The following PDE12 variants were observed in gnomAD, a reference collection of about 807,000 sequenced individuals.
PDE12 encodes phosphodiesterase 12.
Under a neutral mutation model 45.4 loss-of-function variants are expected in PDE12, and 26 were observed. That is an observed-to-expected ratio of 0.57 (90% CI 0.42 to 0.79). The LOEUF is 0.79. Ranked by LOEUF, PDE12 falls within the 30% of genes least tolerant of loss-of-function variation. The pLI, the probability that PDE12 is intolerant of heterozygous loss-of-function variation, is 0.00. For missense variants in PDE12, 668 were observed against 790.0 expected (o/e 0.85, Z 1.85); for synonymous variants, 283 against 323.9 (o/e 0.87, Z 1.36).
chr3:57,556,860 C>G lies in PDE12; in HGVS notation c.481C>G (p.Pro161Ala). ...GDVKYKVERN[P>A]PAFTELQLPR... is the part of the protein sequence containing the mutation. Reference sequence around the variant, plus strand: ...TGTTAAGTACAAGGTGGAGCGCAACCCGCCCGCCTTCACCGAACTGCAGTT... The same window carrying G: ...TGTTAAGTACAAGGTGGAGCGCAACGCGCCCGCCTTCACCGAACTGCAGTT... The change falls in exon 1 of 3, where the codon CCG (proline) becomes GCG (alanine). Residue 161 changes from proline (P) to alanine (A), a missense_variant. Physicochemically the swap from Pro to Ala is conservative, Grantham distance 27 (BLOSUM62 -1). Transcript: ENST00000311180. The surrounding 1 kb of genome is among the most constrained non-coding windows in gnomAD (Gnocchi z 5.0). The G allele has an allele frequency of 1.2e-6, 2 of 1,614,062 alleles. No individual in the cohort carries two copies. Among genetic ancestry groups the G allele is most frequent in the Non-Finnish European group, 8.5e-7 (1 of 1,180,034 alleles).
the PDE12 span, among the ~76,000 whole-genome samples, chr3:57,613,900 C>CAAAAAAAAAAA: frequency 1.0e-4 from 6 of 59,448 alleles, no homozygotes; most frequent in Non-Finnish European, 1.5e-4. Context: ...GACTCCATCT[C>CAAAAAAAAAAA]AAAAAAAAAA....
chr3:57,608,049 C>A, the PDE12 span, among the ~76,000 whole-genome samples: 26 of 152,292 alleles, frequency 1.7e-4, no homozygotes, highest in African/African-American at 6.0e-4. Flanking sequence ...TCGGCAGAAA[C>A]TCTACAAGCC....
At chr3:57,602,984 T>C in the PDE12 span, among the ~76,000 whole-genome samples, 2 of 151,244 alleles carry the variant, frequency 1.3e-5, no homozygotes, top group African/African-American at 4.9e-5. Flanking sequence ...CTGGCCAACA[T>C]GGTGAAACCC....
At chr3:57,643,138 T>C in the PDE12 span, among the ~76,000 whole-genome samples, 2 of 151,288 alleles carry the variant, frequency 1.3e-5, no homozygotes, top group African/African-American at 4.9e-5. Flanking sequence ...AAGGGAGCAA[T>C]AGAAAGAAGA....
At chr3:57,557,807 T>C (rs533694002) in intron 1 of PDE12, 120 bp downstream of exon 1, 1 of 901,820 alleles carries the variant, frequency 1.1e-6, no homozygotes, top group East Asian at 2.6e-5. Flanking sequence ...AAAGGTGTGT[T>C]TGCCCTTGTA....
At chr3:57,615,755 G>C in the PDE12 span, among the ~76,000 whole-genome samples, 1 of 152,022 alleles carries the variant, frequency 6.6e-6, no homozygotes, top group Non-Finnish European at 1.5e-5. Context: ...AGTGACCCAA[G>C]ATCATGCTAC....
chr3:57,576,593 T>C, the PDE12 span, among the ~76,000 whole-genome samples: 1 of 149,730 alleles, frequency 6.7e-6, no homozygotes, highest in Admixed American at 6.7e-5. Flanking sequence ...ACACATATAC[T>C]GGCACAATGG....
chr3:57,591,655 T>C, the PDE12 span, among the ~76,000 whole-genome samples: 1 of 152,026 alleles, frequency 6.6e-6, no homozygotes, highest in Non-Finnish European at 1.5e-5. Flanking sequence ...TGAGTATAGA[T>C]GGGGTTTCAC....
chr3:57,646,190 C>G, the PDE12 span: 2 of 1,336,842 alleles, frequency 1.5e-6, no homozygotes, highest in East Asian at 2.4e-5. Flanking sequence ...AGGGTTTTTG[C>G]ATGGATCAAT....
downstream of PDE12, among the ~76,000 whole-genome samples, chr3:57,568,005 T>A (rs1575776558): frequency 1.5e-5 from 2 of 135,234 alleles, no homozygotes. Flanking sequence ...GAGGTGGAGG[T>A]TGCAGTGAGC....
the PDE12 span, among the ~76,000 whole-genome samples, chr3:57,623,354 C>G: frequency 6.6e-6 from 1 of 152,102 alleles, no homozygotes; most frequent in Non-Finnish European, 1.5e-5. Flanking sequence ...TGAATGCAAT[C>G]ATTTCAAGTT....
chr3:57,655,179 G>A, the PDE12 span, among the ~76,000 whole-genome samples: 1 of 151,968 alleles, frequency 6.6e-6, no homozygotes, highest in African/African-American at 2.4e-5. Context: ...GATTACAGGC[G>A]GCCCGCCACC....
the PDE12 span, among the ~76,000 whole-genome samples, chr3:57,650,110 T>C: frequency 0.01 from 1,584 of 151,974 alleles, 17 homozygotes; most frequent in African/African-American, 0.036. Flanking sequence ...GACATAAGAA[T>C]GATACTATGA....
At chr3:57,641,634 C>A in the PDE12 span, 1 of 1,593,720 alleles carries the variant, frequency 6.3e-7, no homozygotes, top group South Asian at 1.1e-5. Context: ...AGAAACAGAA[C>A]ACCAAGTTTA....
At chr3:57,573,601 A>G in the PDE12 span, among the ~76,000 whole-genome samples, 1 of 152,150 alleles carries the variant, frequency 6.6e-6, no homozygotes, top group African/African-American at 2.4e-5. Flanking sequence ...GATTGTTTTG[A>G]GGCAGAGTAC....
the PDE12 span, among the ~76,000 whole-genome samples, chr3:57,655,961 G>A: frequency 1.3e-5 from 2 of 152,122 alleles, no homozygotes; most frequent in African/African-American, 4.8e-5. Context: ...GTATCAAAAC[G>A]AGAAATGTAC....
chr3:57,586,995 A>C, the PDE12 span, among the ~76,000 whole-genome samples: 5 of 152,068 alleles, frequency 3.3e-5, no homozygotes, highest in African/African-American at 1.2e-4. Flanking sequence ...TTATCACCGG[A>C]GGTCCAACTG....
chr3:57,647,862 T>TG, the PDE12 span, among the ~76,000 whole-genome samples: 2 of 37,352 alleles, frequency 5.4e-5, no homozygotes, highest in East Asian at 7.5e-4. Context: ...GGGGTGGGGG[T>TG]GGGGGGTCAA....
chr3:57,563,328 T>C lies in PDE12; in HGVS notation c.*3324T>C, dbSNP rs2069746241. The C allele has an allele frequency of 6.6e-6, 1 of 152,136 alleles. No homozygotes were observed. The highest frequency in any genetic ancestry group is 2.1e-4 in the South Asian group (1 of 4,826). 9.4% of individuals were successfully genotyped at this position (152,136 alleles called of 1,614,324 possible). A position where few individuals can be genotyped will look rare whatever the true frequency, so the allele number is the denominator to read the frequency against. On this transcript the variant is annotated 3_prime_UTR_variant, in exon 3 of 3. Transcript: ENST00000311180. ...TTGAGATTACAAGCCCAACCTTCCA[T>C]AACTGAAAACTAACTTTCTTTTTTT...
Sources: gnomAD v4.1 joint callset for allele counts (sites outside exome capture counted in the v4.1 genomes callset) on GRCh38, gnomAD v4.1.1 for gene constraint, Gnocchi (gnomAD v3.1) non-coding constraint, MANE v1.5 for transcripts, NCBI Gene and HGNC (gene_info 2026-07-23, HGNC 2026-07-21) for gene names.